SLC28A1: variants seen among roughly 807,000 people sequenced by gnomAD.
SLC28A1 encodes sodium/nucleoside cotransporter 1.
SLC28A1 carries 64 observed loss-of-function variants against 74.8 expected under a neutral mutation model. That is an observed-to-expected ratio of 0.86 (90% CI 0.70 to 1.05). SLC28A1 has a LOEUF of 1.05. Among genes scored for constraint, SLC28A1 ranks in the 50% least tolerant of loss-of-function variants. SLC28A1 has a pLI of 0.00. For missense variants in SLC28A1, 828 were observed against 822.8 expected (o/e 1.01, Z -0.08); for synonymous variants, 359 against 335.0 (o/e 1.07, Z -0.78).
At chr15:84,936,244 TTTTGGTTTGG>T (rs139607863) in intron 15 of SLC28A1, among the ~76,000 whole-genome samples, 23 of 147,194 alleles carry the variant, frequency 1.6e-4, no homozygotes, top group Admixed American at 1.1e-3. Flanking sequence ...CGCCCGGCTG[TTTTGGTTTGG>T]TTTGGTTTGG....
chr15:84,895,431 C>A (rs764571177), intron 6 of SLC28A1: 14 of 1,613,958 alleles, frequency 8.7e-6, no homozygotes, highest in Non-Finnish European at 1.2e-5. Context: ...CCTCAGATCA[C>A]CTGGACAGTG....
chr15:84,914,860 C>T (rs1331144627), intron 9 of SLC28A1, among the ~76,000 whole-genome samples: 1 of 152,146 alleles, frequency 6.6e-6, no homozygotes, highest in African/African-American at 2.4e-5. Flanking sequence ...CCTCTTTTCT[C>T]TTTCATTCCC....
chr15:84,966,304 T>C, the SLC28A1 span, among the ~76,000 whole-genome samples: 1 of 152,110 alleles, frequency 6.6e-6, no homozygotes, highest in African/African-American at 2.4e-5. Flanking sequence ...TGACCTCAAG[T>C]GATCTGCCCG....
At chr15:84,943,628 C>A in intron 16 of SLC28A1, 102 bp downstream of exon 16, 1 of 940,504 alleles carries the variant, frequency 1.1e-6, no homozygotes, top group South Asian at 1.3e-5. Context: ...AAGCAGGACC[C>A]AAACAAGATG....
rs893460533 is a variant in SLC28A1 at position 84,908,754 on chromosome 15, G to A, written c.754G>A (p.Val252Met). The change falls in exon 9 of 19, where the codon GTG becomes ATG. Residue 252 changes from valine (V) to methionine (M), a missense_variant. This residue lies in a region of SLC28A1 where 767 missense variants were observed against 753.5 expected (regional missense o/e 1.02). Coordinates refer to ENST00000394573, the MANE Select transcript of SLC28A1 (RefSeq NM_004213.5). ...CTACACGAAGGCTGGCTCCAGCTTC[G>A]TGTTTGGGGAGGCGCTGGTCAAGGA... is the stretch of plus-strand genomic sequence containing the variant. ...LSYTKAGSSF[V>M]FGEALVKDVF... is the part of the protein sequence containing the mutation. The A allele has an allele frequency of 5.6e-6, 9 of 1,614,000 alleles. No homozygotes were observed. Among genetic ancestry groups the A allele is most frequent in the East Asian group, 4.5e-5 (2 of 44,854 alleles).
At chr15:84,936,370 GTC>G (rs753692088) in intron 15 of SLC28A1, among the ~76,000 whole-genome samples, 11 of 152,036 alleles carry the variant, frequency 7.2e-5, no homozygotes, top group Non-Finnish European at 1.5e-4. Context: ...TGATTCTCGT[GTC>G]TCAGCCTCCC....
intron 9 of SLC28A1, among the ~76,000 whole-genome samples, chr15:84,911,171 C>G (rs2141841062): frequency 6.6e-6 from 1 of 151,938 alleles, no homozygotes; most frequent in South Asian, 2.1e-4. Flanking sequence ...TGCGTCATTG[C>G]TGGGCTTGCC....
intron 1 of SLC28A1, among the ~76,000 whole-genome samples, chr15:84,885,460 G>C (rs531341976): frequency 6.6e-6 from 1 of 151,668 alleles, no homozygotes; most frequent in Non-Finnish European, 1.5e-5. Context: ...GGCCAGGCGC[G>C]GTGGCTCATG....
At chr15:84,911,867 AAAAAAAAAAAG>A (rs1335376909) in intron 9 of SLC28A1, among the ~76,000 whole-genome samples, 3 of 149,762 alleles carry the variant, frequency 2.0e-5, no homozygotes, top group African/African-American at 7.3e-5. Flanking sequence ...TCAAAAAAAA[AAAAAAAAAAAG>A]AAGAAGAAGA....
chr15:84,910,981 A>G (rs1211826817), intron 9 of SLC28A1, among the ~76,000 whole-genome samples: 2 of 152,212 alleles, frequency 1.3e-5, no homozygotes, highest in Non-Finnish European at 2.9e-5. Context: ...CATGGAGGTG[A>G]GAATGTGCTG....
At chr15:84,922,652 A>G (rs1358898052) in intron 11 of SLC28A1, among the ~76,000 whole-genome samples, 1 of 151,498 alleles carries the variant, frequency 6.6e-6, no homozygotes, top group Non-Finnish European at 1.5e-5. Flanking sequence ...GGATCATTCC[A>G]CTCCTGCCTA....
the SLC28A1 span, among the ~76,000 whole-genome samples, chr15:84,956,484 T>TTTCTTTCTTTCTTTCTTTCC: frequency 3.0e-5 from 4 of 133,378 alleles, no homozygotes. Context: ...TCTTTCTTTC[T>TTTCTTTCTTTCTTTCTTTCC]TTCTTTGTTT....
At chr15:84,928,580 T>TC (rs1567172271) in intron 12 of SLC28A1, among the ~76,000 whole-genome samples, 1 of 19,076 alleles carries the variant, frequency 5.2e-5, no homozygotes, top group South Asian at 3.0e-3. Flanking sequence ...CTTTCTTTCT[T>TC]TCTTTCTTTC....
the SLC28A1 span, among the ~76,000 whole-genome samples, chr15:84,963,872 T>A: frequency 0.023 from 3,574 of 152,266 alleles, 145 homozygotes; most frequent in African/African-American, 0.082. Flanking sequence ...GCCTCCTCTG[T>A]CCTAGCTCCA....
At chr15:84,886,067 A>T in intron 1 of SLC28A1, 1 of 850,052 alleles carries the variant, frequency 1.2e-6, no homozygotes, top group Non-Finnish European at 1.4e-6. Context: ...AGATGAGTTT[A>T]ATGTTTAGTG....
chr15:84,968,598 A>G, the SLC28A1 span, among the ~76,000 whole-genome samples: 2 of 152,144 alleles, frequency 1.3e-5, no homozygotes, highest in Non-Finnish European at 2.9e-5. Context: ...GCAGTCTCCT[A>G]TTGGTTACAT....
chr15:84,933,185 C>T lies in SLC28A1; in HGVS notation c.1124C>T (p.Ala375Val). 6.2e-7 allele frequency: 1 copy of T among 1,613,712 alleles called. No homozygotes were observed. Among genetic ancestry groups the T allele is most frequent in the Non-Finnish European group, 8.5e-7 (1 of 1,179,820 alleles). The change falls in exon 13 of 19, where the codon GCC becomes GTC. Residue 375 changes from alanine (A) to valine (V), a missense_variant. This residue lies in a region of SLC28A1 where 767 missense variants were observed against 753.5 expected (regional missense o/e 1.02). Coordinates refer to ENST00000394573, the MANE Select transcript of SLC28A1 (RefSeq NM_004213.5). ...TSLIAASVMA[A>V]PCALALSKLV... is the part of the protein sequence containing the mutation. ...TTGATTGCAGCCTCTGTGATGGCTGCCCCTTGTGCCTTGGCCCTCTCCAAG... is the reference window on the plus strand; with the variant it reads ...TTGATTGCAGCCTCTGTGATGGCTGTCCCTTGTGCCTTGGCCCTCTCCAAG...
At chr15:84,892,281 A>T (rs1446324544) in intron 5 of SLC28A1, among the ~76,000 whole-genome samples, 1 of 152,190 alleles carries the variant, frequency 6.6e-6, no homozygotes, top group East Asian at 1.9e-4. Context: ...GGGGAGGGGC[A>T]GTGAGAGAGG....
chr15:84,943,393 C>T, intron 15 of SLC28A1, 52 bp from the exon 16 acceptor site: 1 of 1,322,266 alleles, frequency 7.6e-7, no homozygotes, highest in Non-Finnish European at 1.1e-6. Context: ...TATAGGGGTG[C>T]CCCAGGCCCA....
Sources: gnomAD v4.1 joint callset for allele counts (sites outside exome capture counted in the v4.1 genomes callset) on GRCh38, gnomAD v4.1.1 for gene constraint, gnomAD v4.1.1 regional missense constraint, MANE v1.5 for transcripts, NCBI Gene and HGNC (gene_info 2026-07-23, HGNC 2026-07-21) for gene names.